The following HECW1 variants were observed in gnomAD, a reference collection of about 807,000 sequenced individuals.
HECW1 encodes HECT, C2 and WW domain containing E3 ubiquitin protein ligase 1.
In HECW1, 61 loss-of-function variants were observed where a neutral mutation model predicts 182.3. That is an observed-to-expected ratio of 0.33 (90% CI 0.27 to 0.41). The LOEUF is 0.41. Ranked by LOEUF, HECW1 falls within the 10% of genes least tolerant of loss-of-function variation. The probability of loss-of-function intolerance (pLI) is 1.00; values close to 1 mark genes in which losing one functional copy is unlikely to be tolerated. For synonymous variants in HECW1, 859 were observed against 832.6 expected, an observed-to-expected ratio of 1.03 and a Z score of -0.55; for missense variants, 1,739 against 2,108.9, an observed-to-expected ratio of 0.82 and a Z score of 3.44.
intron 2 of HECW1, among the ~76,000 whole-genome samples, chr7:43,211,303 ACTG>A (rs1795987018): frequency 6.6e-6 from 1 of 152,138 alleles, no homozygotes; most frequent in South Asian, 2.1e-4. Flanking sequence ...TGTAAATAAA[ACTG>A]CTTTTGGCTT....
rs1584805365 is a variant in HECW1, at chr7:43,410,273, T to G, written c.801+2542T>G. Reference sequence around the variant, plus strand: ...AGCCCAGGATGCTGGCACGGTTGGGTTCTGGTGAGGGCCTCTTTGGGGATG... The same window carrying G: ...AGCCCAGGATGCTGGCACGGTTGGGGTCTGGTGAGGGCCTCTTTGGGGATG... On this transcript the variant is annotated intron_variant, in intron 8 of 29. Coordinates refer to ENST00000395891, the MANE Select transcript of HECW1 (RefSeq NM_015052.5). 1.3e-5 allele frequency among the ~76,000 whole-genome samples: 2 copies of G among 151,780 alleles called. 1 individual carries two copies. Among genetic ancestry groups the G allele is most frequent in the East Asian group, 3.9e-4 (2 of 5,164 alleles).
intron 21 of HECW1, among the ~76,000 whole-genome samples, chr7:43,503,335 C>G (rs2079444894): frequency 6.6e-6 from 1 of 152,184 alleles, no homozygotes; most frequent in South Asian, 2.1e-4. Context: ...TTTGGAGAAG[C>G]TGTAGGACTG....
chr7:43,493,966 G>A (rs2079025998), intron 19 of HECW1, among the ~76,000 whole-genome samples: 1 of 152,142 alleles, frequency 6.6e-6, no homozygotes, highest in Non-Finnish European at 1.5e-5. Flanking sequence ...TTAAGGCAGG[G>A]CAGGCTAGAA....
chr7:43,455,737 T>G (rs578122319), intron 12 of HECW1, among the ~76,000 whole-genome samples: 2 of 152,320 alleles, frequency 1.3e-5, no homozygotes, highest in Admixed American at 6.5e-5. Flanking sequence ...GTGCCTGTAA[T>G]CTCAGCACTT....
chr7:43,198,661 A>AC (rs565304540), intron 2 of HECW1, among the ~76,000 whole-genome samples: 146 of 134,492 alleles, frequency 1.1e-3, no homozygotes, highest in African/African-American at 3.9e-3. Context: ...TCTCACACAC[A>AC]CCCCCACACT....
At chr7:43,451,684 C>T (rs1310910659) in intron 12 of HECW1, among the ~76,000 whole-genome samples, 2 of 152,178 alleles carry the variant, frequency 1.3e-5, no homozygotes, top group Non-Finnish European at 2.9e-5. Context: ...CTTCATAATA[C>T]TCCATTTAAT....
chr7:43,243,828 T>C lies in HECW1; in HGVS notation c.-31-47T>C. The C allele has an allele frequency of 1.4e-6, 2 of 1,428,734 alleles. No individual in the cohort carries two copies. Among genetic ancestry groups the C allele is most frequent in the Non-Finnish European group, 9.9e-7 (1 of 1,010,984 alleles). The allele number at this position is 1,428,734 out of a possible 1,614,324, so 88.5% of individuals were successfully genotyped here. ...TGTGTGGGTAATGTTGCTGATTTTG[T>C]TTGCTTGGGATACACGCTAAGTTAA... is the stretch of plus-strand genomic sequence containing the variant. On this transcript the variant is annotated intron_variant, in intron 2 of 29. Coordinates refer to ENST00000395891, the MANE Select transcript of HECW1 (RefSeq NM_015052.5). This position sits in a 1 kb window ranked among gnomAD's most constrained non-coding sequence, Gnocchi z 4.0.
At chr7:43,159,288 C>CTCATCACT (rs1238000955) in intron 2 of HECW1, among the ~76,000 whole-genome samples, 2 of 151,906 alleles carry the variant, frequency 1.3e-5, no homozygotes, top group Non-Finnish European at 2.9e-5. Flanking sequence ...CACCCATCAA[C>CTCATCACT]TCATCACTTA....
At chr7:43,239,549 A>G (rs34257122) in intron 2 of HECW1, among the ~76,000 whole-genome samples, 28,273 of 152,142 alleles carry the variant, frequency 0.19, 2,826 homozygotes, top group Non-Finnish European at 0.21. Context: ...GGTCACTGAA[A>G]TAGGAATTGT....
At chr7:43,517,370 C>T (rs1057237305) in intron 24 of HECW1, among the ~76,000 whole-genome samples, 8 of 151,492 alleles carry the variant, frequency 5.3e-5, no homozygotes, top group African/African-American at 1.9e-4. Context: ...GACCTCTCTC[C>T]CTTCCCAAGC....
chr7:43,509,135 T>A lies in HECW1; in HGVS notation c.4019+14T>A. 1.2e-6 allele frequency: 2 copies of A among 1,606,586 alleles called. No individual in the cohort carries two copies. Among genetic ancestry groups the A allele is most frequent in the South Asian group, 2.2e-5 (2 of 89,214 alleles). ...CCATCTTGAGTGGTAAGCTCTATAA[T>A]GTTCACTTTCTTGTATTTGAAAGTT... On this transcript the variant is annotated intron_variant, in intron 24 of 29. Transcript: ENST00000395891.
intron 2 of HECW1, among the ~76,000 whole-genome samples, chr7:43,237,081 G>C (rs528148710): frequency 1.3e-5 from 2 of 151,372 alleles, no homozygotes; most frequent in South Asian, 4.2e-4. Context: ...GAGGGAGGGA[G>C]GGAGGAAGCA....
At chr7:43,113,936 G>A in intron 1 of HECW1, 1 of 268,462 alleles carries the variant, frequency 3.7e-6, no homozygotes, top group East Asian at 5.7e-5. Flanking sequence ...CAGCGCGTAG[G>A]GGGAGCTGGC....
In HECW1 at chr7:43,265,950, AG is replaced by A. The variant is rs371980373; in HGVS notation, c.27+22025del. On this transcript the variant is annotated intron_variant, in intron 3 of 29. Coordinates refer to ENST00000395891, the MANE Select transcript of HECW1 (RefSeq NM_015052.5). ...AACAGCCAGATGAAGAGGAAACTTG[AG>A]GGGGGGTGTGGATTCTGGAGGGTGG... Among the ~76,000 whole-genome samples, 3 of 151,968 alleles carry A rather than the reference AG, an allele frequency of 2.0e-5. No individual in the cohort carries two copies. In the South Asian group the frequency reaches 6.2e-4, roughly 32 times the overall value.
At chr7:43,193,783 C>A (rs1396677120) in intron 2 of HECW1, among the ~76,000 whole-genome samples, 3 of 152,020 alleles carry the variant, frequency 2.0e-5, no homozygotes, top group Non-Finnish European at 4.4e-5. Flanking sequence ...TGACCTTTTG[C>A]CTGATGGCTA....
intron 2 of HECW1, among the ~76,000 whole-genome samples, chr7:43,140,880 C>T (rs1788083975): frequency 6.6e-6 from 1 of 152,168 alleles, no homozygotes; most frequent in East Asian, 1.9e-4. Context: ...CTCACGTGGC[C>T]TTCTCCATCA....
At chr7:43,352,087 A>G (rs919435935) in intron 5 of HECW1, among the ~76,000 whole-genome samples, 21 of 152,098 alleles carry the variant, frequency 1.4e-4, no homozygotes, top group African/African-American at 5.1e-4. Context: ...GAATCAACAC[A>G]CTTACCCCTA....
intron 3 of HECW1, among the ~76,000 whole-genome samples, chr7:43,296,550 A>G (rs1016553435): frequency 1.3e-5 from 2 of 152,192 alleles, no homozygotes; most frequent in Non-Finnish European, 2.9e-5. Flanking sequence ...AAGTTGAAAC[A>G]TGAGCCCTCC....
At chr7:43,209,496 T>A (rs1290530785) in intron 2 of HECW1, among the ~76,000 whole-genome samples, 1 of 152,182 alleles carries the variant, frequency 6.6e-6, no homozygotes, top group African/African-American at 2.4e-5. Flanking sequence ...GTCTCCTCTG[T>A]AAAGCACTGT....
Sources: gnomAD v4.1 joint callset for allele counts (sites outside exome capture counted in the v4.1 genomes callset) on GRCh38, gnomAD v4.1.1 for gene constraint, Gnocchi (gnomAD v3.1) non-coding constraint, MANE v1.5 for transcripts, NCBI Gene and HGNC (gene_info 2026-07-23, HGNC 2026-07-21) for gene names.